The following VMP1 variants were observed in gnomAD, a reference collection of about 807,000 sequenced individuals.
VMP1 encodes ectopic P-granules autophagy protein 3 homolog.
A neutral mutation model predicts 56.0 loss-of-function variants in VMP1; 11 were observed. That is an observed-to-expected ratio of 0.20 (90% confidence interval 0.12 to 0.32). VMP1 has a LOEUF of 0.32. Ranked by LOEUF, VMP1 falls within the 10% of genes least tolerant of loss-of-function variation. The probability of loss-of-function intolerance (pLI) is 1.00; values close to 1 mark genes in which losing one functional copy is unlikely to be tolerated. For missense variants in VMP1, 296 were observed against 490.3 expected, an observed-to-expected ratio of 0.60 and a Z score of 3.74; for synonymous variants, 149 against 165.0, an observed-to-expected ratio of 0.90 and a Z score of 0.74.
At chr17:59,710,122 A>G (rs2033853810) in intron 1 of VMP1, among the ~76,000 whole-genome samples, 1 of 152,084 alleles carries the variant, frequency 6.6e-6, no homozygotes. Context: ...GCGCGAACCC[A>G]GGAGGCGGAG....
At chr17:59,745,453 A>C (rs575202144) in intron 5 of VMP1, among the ~76,000 whole-genome samples, 1 of 152,392 alleles carries the variant, frequency 6.6e-6, no homozygotes, top group East Asian at 1.9e-4. Context: ...GAAGCAAAGC[A>C]GAGTCAAAGG....
At chr17:59,816,398 CATAATATTCACA>C (rs1470249847) in intron 9 of VMP1, among the ~76,000 whole-genome samples, 8 of 152,346 alleles carry the variant, frequency 5.3e-5, no homozygotes, top group African/African-American at 1.9e-4. Context: ...TTGCTAGCTT[CATAATATTCACA>C]TACCAATTGT....
At chr17:59,813,342 C>G (rs1310793778) in intron 9 of VMP1, among the ~76,000 whole-genome samples, 2 of 152,122 alleles carry the variant, frequency 1.3e-5, no homozygotes, top group African/African-American at 4.8e-5. Flanking sequence ...CTTTGGGAGG[C>G]CGAGGCGGGT....
chr17:59,713,860 G>A (rs1350211465), intron 1 of VMP1, among the ~76,000 whole-genome samples: 1 of 151,388 alleles, frequency 6.6e-6, no homozygotes, highest in Non-Finnish European at 1.5e-5. Flanking sequence ...GGCCAACATG[G>A]TGAGACCCCA....
intron 6 of VMP1, 66 bp downstream of exon 6, chr17:59,765,204 T>C (rs1037856172): frequency 2.0e-6 from 3 of 1,502,742 alleles, no homozygotes; most frequent in Non-Finnish European, 2.7e-6. Context: ...GTGTACCTTA[T>C]TGAAATGGAA....
At chr17:59,794,863 T>A (rs2037378743) in intron 7 of VMP1, among the ~76,000 whole-genome samples, 1 of 152,038 alleles carries the variant, frequency 6.6e-6, no homozygotes, top group East Asian at 1.9e-4. Context: ...GAAATAATCA[T>A]TACAGGTGTA....
intron 7 of VMP1, among the ~76,000 whole-genome samples, chr17:59,775,899 C>T (rs1384305272): frequency 1.3e-5 from 2 of 151,956 alleles, no homozygotes; most frequent in African/African-American, 4.8e-5. Context: ...TCCTAAAAAC[C>T]TTGTTGAAAG....
chr17:59,821,437 T>G (rs1204315198), intron 10 of VMP1, among the ~76,000 whole-genome samples: 4 of 152,158 alleles, frequency 2.6e-5, no homozygotes, highest in African/African-American at 7.2e-5. Context: ...AAATGAGTTG[T>G]GTCGTATTTG....
intron 5 of VMP1, among the ~76,000 whole-genome samples, chr17:59,749,514 CTTT>C (rs1007707784): frequency 7.0e-6 from 1 of 142,928 alleles, no homozygotes; most frequent in African/African-American, 2.6e-5. Flanking sequence ...TTTAAATAAT[CTTT>C]TTTTTTTTTT....
intron 7 of VMP1, among the ~76,000 whole-genome samples, chr17:59,775,732 C>T (rs2036598039): frequency 6.6e-6 from 1 of 152,202 alleles, no homozygotes; most frequent in Non-Finnish European, 1.5e-5. Flanking sequence ...ACAGTGTCCT[C>T]AAGATGAGCA....
intron 5 of VMP1, among the ~76,000 whole-genome samples, chr17:59,753,189 AG>A (rs1160306727): frequency 6.6e-6 from 1 of 152,044 alleles, no homozygotes; most frequent in Non-Finnish European, 1.5e-5. Flanking sequence ...GTTGAGGCCA[AG>A]GTTGGAAAAT....
intron 9 of VMP1, among the ~76,000 whole-genome samples, chr17:59,814,361 A>G (rs2038157365): frequency 6.6e-6 from 1 of 152,238 alleles, no homozygotes; most frequent in Non-Finnish European, 1.5e-5. Flanking sequence ...TAGAGGAATT[A>G]CTATACCCAT....
chr17:59,832,029 T>C (rs983364388), intron 10 of VMP1, among the ~76,000 whole-genome samples: 1 of 151,224 alleles, frequency 6.6e-6, no homozygotes, highest in Non-Finnish European at 1.5e-5. Flanking sequence ...ACTACAGGCA[T>C]GCGCCACCAT....
chr17:59,768,809 T>G (rs951678991), intron 6 of VMP1, among the ~76,000 whole-genome samples: 1 of 151,508 alleles, frequency 6.6e-6, no homozygotes. Context: ...AGTGAAATGC[T>G]GTCTGTACTA....
At chr17:59,750,264 T>A (rs960811108) in intron 5 of VMP1, among the ~76,000 whole-genome samples, 2 of 152,136 alleles carry the variant, frequency 1.3e-5, no homozygotes, top group African/African-American at 2.4e-5. Context: ...TTGCATTCAA[T>A]TTACTTAAAT....
At chr17:59,737,067 T>C (rs28450040) in intron 3 of VMP1, among the ~76,000 whole-genome samples, 7,520 of 152,110 alleles carry the variant, frequency 0.049, 600 homozygotes, top group African/African-American at 0.17. Flanking sequence ...ATAAAGATTA[T>C]AAAAACAAGA....
chr17:59,754,496 G>A (rs2035764886), intron 5 of VMP1, among the ~76,000 whole-genome samples: 1 of 152,116 alleles, frequency 6.6e-6, no homozygotes, highest in Non-Finnish European at 1.5e-5. Context: ...AAAATTGTTA[G>A]CCAGCTTCTT....
At chr17:59,772,950 C>CTTTTTTTTTTTTTTTTTTTTTTTTTTTTT (rs1179269248) in intron 6 of VMP1, among the ~76,000 whole-genome samples, 8 of 55,718 alleles carry the variant, frequency 1.4e-4, no homozygotes, top group Non-Finnish European at 1.8e-4. Context: ...CTGGTGAATT[C>CTTTTTTTTTTTTTTTTTTTTTTTTTTTTT]TTTTTTTTTT....
intron 7 of VMP1, among the ~76,000 whole-genome samples, chr17:59,798,772 G>A (rs2144159608): frequency 6.6e-6 from 1 of 152,264 alleles, no homozygotes; most frequent in South Asian, 2.1e-4. Flanking sequence ...TGTAATCCCA[G>A]CTACTCGGGA....
Sources: gnomAD v4.1 joint callset for allele counts (sites outside exome capture counted in the v4.1 genomes callset) on GRCh38, gnomAD v4.1.1 for gene constraint, MANE v1.5 for transcripts, NCBI Gene and HGNC (gene_info 2026-07-23, HGNC 2026-07-21) for gene names.